Variants in CAPN12 observed in about 807,000 individuals in gnomAD.
CAPN12 encodes the protein calpain 12.
A neutral mutation model predicts 95.0 loss-of-function variants in CAPN12; 107 were observed. The observed-to-expected ratio is 1.13, with a 90% CI of 0.96 to 1.32. The LOEUF (loss-of-function observed/expected upper bound fraction) is 1.32. Ranked by LOEUF, CAPN12 falls within the 40% of genes most tolerant of loss-of-function variation. The pLI is 0.00. For synonymous variants in CAPN12, 505 were observed against 415.5 expected (o/e 1.22, Z -2.62); for missense variants, 1,136 against 997.8 (o/e 1.14, Z -1.87).
upstream of CAPN12, among the ~76,000 whole-genome samples, chr19:38,744,644 C>T (rs1284461807): frequency 6.6e-6 from 1 of 152,192 alleles, no homozygotes; most frequent in Admixed American, 6.5e-5. Flanking sequence ...GGCACGATCT[C>T]AGCTCACTGC....
In CAPN12 at chr19:38,735,943, G is replaced by A. The variant is rs1293601166; in HGVS notation, c.1583+167C>T. ...GGGGCGGGGCGGGGGTTCTGGGGGC[G>A]GGGCGGGGCGGGGGTTCTGGGGGCG... On this transcript the variant is annotated intron_variant, in intron 12 of 20. Transcript: ENST00000328867. 5.7e-4 allele frequency among the ~76,000 whole-genome samples: 5 copies of A among 8,814 alleles called. 1 individual carries two copies. Among genetic ancestry groups the A allele is most frequent in the South Asian group, 0.02 (1 of 50 alleles). The allele number at this position is 8,814 out of a possible 152,430, so 5.8% of individuals were successfully genotyped here.
Position 38,730,506 on chromosome 19 carries a change from A to G in CAPN12, c.*346T>C. 2.9e-6 allele frequency: 1 copy of G among 345,238 alleles called. No homozygotes were observed. The highest frequency in any genetic ancestry group is 5.4e-5 in the East Asian group (1 of 18,572). 21.4% of individuals were successfully genotyped at this position (345,238 alleles called of 1,614,324 possible). ...AACCACCCTCTGGGGACAGGATAAT[A>G]AAACATGTAATATTTTTAAGAAGGA... On this transcript the variant is annotated 3_prime_UTR_variant, in exon 21 of 21. Coordinates refer to ENST00000328867, the MANE Select transcript of CAPN12 (RefSeq NM_144691.4).
rs1422624416 is a variant in CAPN12, at chr19:38,730,412, T to A, written c.*440A>T. ...GATGGCCTGGCTGCCTGGTGGTTGATGGTTTTGCTCCCCCTACCTTTTTTT... is the reference window on the plus strand; with the variant it reads ...GATGGCCTGGCTGCCTGGTGGTTGAAGGTTTTGCTCCCCCTACCTTTTTTT... On this transcript the variant is annotated 3_prime_UTR_variant, in exon 21 of 21. Coordinates refer to ENST00000328867, the MANE Select transcript of CAPN12 (RefSeq NM_144691.4). The A allele has an allele frequency of 5.4e-6, 1 of 184,226 alleles. No individual in the cohort carries two copies. The highest frequency in any genetic ancestry group is 1.2e-5 in the Non-Finnish European group (1 of 86,426). 11.4% of individuals were successfully genotyped at this position (184,226 alleles called of 1,614,324 possible).
Position 38,744,144 on chromosome 19 carries a change from C to G in CAPN12, c.22G>C (p.Val8Leu). The G allele has an allele frequency of 1.2e-6, 2 of 1,614,062 alleles. No homozygotes were observed. Among genetic ancestry groups the G allele is most frequent in the South Asian group, 2.2e-5 (2 of 91,084 alleles). The change falls in exon 1 of 21, where the codon GTC becomes CTC. Residue 8 changes from valine to leucine, a missense_variant. Physicochemically the swap from Val to Leu is conservative, Grantham distance 32 (BLOSUM62 1). Coordinates refer to ENST00000328867, the MANE Select transcript of CAPN12 (RefSeq NM_144691.4). ...TCCTCATCCACGAGCTGGATGGTGACCCTCCCACTGCTGGATGCCATCTGG... is the reference window on the plus strand; with the variant it reads ...TCCTCATCCACGAGCTGGATGGTGAGCCTCCCACTGCTGGATGCCATCTGG... MASSSGRVTIQLVDEEAG... is the reference protein window; with the variant it reads MASSSGRLTIQLVDEEAG...
In CAPN12 at chr19:38,738,483, C is replaced by T; in HGVS notation, c.825G>A (p.Lys275=). ...GGTTCCGCAGCCGCAGCAGCCGCAC[C>T]TTGGTGAAGCCCAGGAACACCTGGG... ...GTHKVFLGFT[K]VRLLRLRNPW... Residue 275 remains lysine (K), a synonymous_variant, in exon 7 of 21, where the codon AAG becomes AAA. Transcript: ENST00000328867. 6.2e-7 allele frequency: 1 copy of T among 1,611,858 alleles called. No individual in the cohort carries two copies. Among genetic ancestry groups the T allele is most frequent in the Non-Finnish European group, 8.5e-7 (1 of 1,178,832 alleles).
intron 2 of CAPN12, 56 bp from the exon 3 acceptor site, chr19:38,742,584 G>A: frequency 2.4e-6 from 3 of 1,254,154 alleles, no homozygotes; most frequent in African/African-American, 1.5e-5. Context: ...CTGGTGCGGT[G>A]GCTCATGCCT....
At chr19:38,738,681 A>G in intron 5 of CAPN12, 33 bp from the exon 6 acceptor site, 1 of 1,602,724 alleles carries the variant, frequency 6.2e-7, no homozygotes, top group Non-Finnish European at 8.5e-7. Context: ...AGGCCAAGGT[A>G]GGGGACAGGA....
At chr19:38,742,208 C>T in intron 3 of CAPN12, 1 of 620,298 alleles carries the variant, frequency 1.6e-6, no homozygotes, top group East Asian at 2.8e-5. Flanking sequence ...TGCCTGTAAT[C>T]CCAGCTACTC....
chr19:38,740,252 CA>C, intron 4 of CAPN12, 33 bp from the exon 5 acceptor site: 1 of 1,554,050 alleles, frequency 6.4e-7, no homozygotes, highest in East Asian at 2.4e-5. Context: ...AGGGTTGAGG[CA>C]AGTACAAGCG....
In CAPN12 at chr19:38,736,262, G is replaced by A. The variant is rs1443590082; in HGVS notation, c.1431C>T (p.Arg477=). 3 of 1,465,102 alleles carry A rather than the reference G, an allele frequency of 2.0e-6. No homozygotes were observed. Among genetic ancestry groups the A allele is most frequent in the African/African-American group, 1.5e-5 (1 of 67,558 alleles). 90.8% of individuals were successfully genotyped at this position (1,465,102 alleles called of 1,614,324 possible). A position where few individuals can be genotyped will look rare whatever the true frequency, so the allele number is the denominator to read the frequency against. Residue 477 remains arginine (R), a synonymous_variant, in exon 12 of 21, where the codon CGC becomes CGT. Coordinates refer to ENST00000328867, the MANE Select transcript of CAPN12 (RefSeq NM_144691.4). Reference sequence around the variant, plus strand: ...GGGCGCTGAGGGGCGAGCGGTCGGCGCGCAGCAGCCGGGGCAGGAGCGCAT... The same window carrying A: ...GGGCGCTGAGGGGCGAGCGGTCGGCACGCAGCAGCCGGGGCAGGAGCGCAT... ...RSHALLPRLL[R]ADRSPLSARR...
At chr19:38,732,267 C>G (rs184236646) in intron 18 of CAPN12, among the ~76,000 whole-genome samples, 68 of 152,368 alleles carry the variant, frequency 4.5e-4, no homozygotes, top group African/African-American at 1.6e-3. Flanking sequence ...GCCTCTCCCT[C>G]TCTGCCCCAC....
rs530113729 is a variant in CAPN12 at position 38,731,150 on chromosome 19, G to C, written c.2031C>G (p.Phe677Leu). The part of the protein sequence containing the change: ...RYRDSRLRVD[F>L]ERFVSCVAHL... ...GGGCCACACAGGACACGAACCGCTCGAAGTCCACACGCAGACGGCTATCCC... is the reference window on the plus strand; with the variant it reads ...GGGCCACACAGGACACGAACCGCTCCAAGTCCACACGCAGACGGCTATCCC... Residue 677 changes from phenylalanine (F) to leucine (L), a missense_variant, in exon 19 of 21, where the codon TTC (phenylalanine) becomes TTG (leucine). Physicochemically the swap from Phe to Leu is conservative, Grantham distance 22 (BLOSUM62 0). Transcript: ENST00000328867. 6.2e-7 allele frequency: 1 copy of C among 1,613,146 alleles called. No homozygotes were observed. The highest frequency in any genetic ancestry group is 1.7e-5 in the Admixed American group (1 of 60,000).
At chr19:38,741,675 T>A in intron 4 of CAPN12, 102 bp downstream of exon 4, 1 of 1,395,644 alleles carries the variant, frequency 7.2e-7, no homozygotes, top group Non-Finnish European at 9.6e-7. Flanking sequence ...CTTGGTGGGG[T>A]GTTTGGAGGA....
rs772338763 is a variant in CAPN12 at position 38,744,129 on chromosome 19, C to T, written c.37G>A (p.Val13Met). 22 of 1,614,022 alleles carry T rather than the reference C, an allele frequency of 1.4e-5. No individual in the cohort carries two copies. Among genetic ancestry groups the T allele is most frequent in the Admixed American group, 1.0e-4 (6 of 60,000 alleles). ...SSSGRVTIQL[V>M]DEEAGVGAGR... ...GCTCCGACCCCAGCCTCCTCATCCA[C>T]GAGCTGGATGGTGACCCTCCCACTG... Residue 13 changes from valine (V) to methionine (M), a missense_variant, in exon 1 of 21, where the codon GTG (valine) becomes ATG (methionine). Transcript: ENST00000328867.
intron 1 of CAPN12, 80 bp from the exon 2 acceptor site, chr19:38,743,182 C>T (rs1568328777): frequency 6.5e-7 from 1 of 1,537,952 alleles, no homozygotes; most frequent in East Asian, 2.2e-5. Flanking sequence ...GGCCTCCAAG[C>T]CCATGAAAGG....
chr19:38,738,478 C>G lies in CAPN12; in HGVS notation c.830G>C (p.Arg277Pro). The G allele has an allele frequency of 6.2e-7, 1 of 1,611,302 alleles. No individual in the cohort carries two copies. Among genetic ancestry groups the G allele is most frequent in the East Asian group, 2.2e-5 (1 of 44,854 alleles). Residue 277 changes from arginine (R) to proline (P), a missense_variant, in exon 7 of 21, where the codon CGG becomes CCG. By Grantham distance (103) the Arg-to-Pro change is moderately radical. Coordinates refer to ENST00000328867, the MANE Select transcript of CAPN12 (RefSeq NM_144691.4). ...CCATGGGTTCCGCAGCCGCAGCAGCCGCACCTTGGTGAAGCCCAGGAACAC... is the reference window on the plus strand; with the variant it reads ...CCATGGGTTCCGCAGCCGCAGCAGCGGCACCTTGGTGAAGCCCAGGAACAC... ...HKVFLGFTKV[R>P]LLRLRNPWGC... is the part of the protein sequence containing the mutation.
At chr19:38,736,758 G>C (rs138146145) in intron 10 of CAPN12, 195 bp from the exon 11 acceptor site, 1 of 656,744 alleles carries the variant, frequency 1.5e-6, no homozygotes, top group Non-Finnish European at 2.5e-6. Flanking sequence ...CCCCATCTGC[G>C]CTCCCAGCGC....
Position 38,731,186 on chromosome 19 carries a change from G to A in CAPN12, c.1995C>T (p.Thr665=), listed in dbSNP as rs749143632. 1 of 1,613,050 alleles carries A rather than the reference G, an allele frequency of 6.2e-7. No homozygotes were observed. The highest frequency in any genetic ancestry group is 8.5e-7 in the Non-Finnish European group (1 of 1,180,032). The part of the protein sequence containing the change: ...HLNNQLTQTL[T]SRYRDSRLRV... The stretch of plus-strand genomic sequence containing the variant: ...GCAGACGGCTATCCCGGTAGCGGCT[G>A]GTGAGGGTCTGGGTCAGCTGGTTGT... Residue 665 remains threonine, a synonymous_variant, in exon 19 of 21, where the codon ACC becomes ACT. Transcript: ENST00000328867.
Position 38,744,145 on chromosome 19 carries a change from C to CGGAG in CAPN12, c.20_21insCTCC (p.Arg7SerfsTer10), listed in dbSNP as rs1329094986. 6 of 1,613,908 alleles carry CGGAG rather than the reference C, an allele frequency of 3.7e-6. No homozygotes were observed. In the African/African-American group the frequency reaches 8.0e-5, roughly 22 times the overall value. On this transcript the variant is annotated frameshift_variant, in exon 1 of 21. Coordinates refer to ENST00000328867, the MANE Select transcript of CAPN12 (RefSeq NM_144691.4). LOFTEE classifies it high-confidence loss of function. ...CCTCATCCACGAGCTGGATGGTGAC[C>CGGAG]CTCCCACTGCTGGATGCCATCTGGA...
Sources: gnomAD v4.1 joint callset for allele counts (sites outside exome capture counted in the v4.1 genomes callset) on GRCh38, gnomAD v4.1.1 for gene constraint, MANE v1.5 for transcripts, NCBI Gene and HGNC (gene_info 2026-07-23, HGNC 2026-07-21) for gene names.